GPC5: variants seen among roughly 807,000 people sequenced by gnomAD.
GPC5 encodes glypican-5.
Under a neutral mutation model 53.9 loss-of-function variants are expected in GPC5, and 47 were observed. The observed-to-expected ratio is 0.87, with a 90% CI of 0.69 to 1.11. The LOEUF (loss-of-function observed/expected upper bound fraction) is 1.11, where lower values mean the gene tolerates loss of function less well. Among genes scored for constraint, GPC5 ranks in the 50% most tolerant of loss-of-function variants. The pLI is 0.00. For missense variants in GPC5, 748 were observed against 713.1 expected (o/e 1.05, Z -0.56); for synonymous variants, 286 against 263.3 (o/e 1.09, Z -0.84).
chr13:92,296,719 G>A (rs1052090686), intron 7 of GPC5, among the ~76,000 whole-genome samples: 5 of 152,200 alleles, frequency 3.3e-5, no homozygotes, highest in African/African-American at 4.8e-5. Flanking sequence ...GCCAGCTGGA[G>A]TTCCGTGTGG....
chr13:92,336,314 A>T (rs1566544313), intron 7 of GPC5, among the ~76,000 whole-genome samples: 2 of 152,174 alleles, frequency 1.3e-5, no homozygotes, highest in Non-Finnish European at 2.9e-5. Context: ...GTAGCTGATA[A>T]TTTTTTTGGC....
At chr13:91,556,541 A>ATG (rs1020269156) in intron 2 of GPC5, among the ~76,000 whole-genome samples, 33 of 145,474 alleles carry the variant, frequency 2.3e-4, no homozygotes, top group South Asian at 8.6e-4. Context: ...TATATATAAA[A>ATG]TGTGTGTGTG....
intron 2 of GPC5, among the ~76,000 whole-genome samples, chr13:91,453,241 T>C (rs1378213407): frequency 2.0e-5 from 3 of 151,954 alleles, no homozygotes; most frequent in Non-Finnish European, 4.4e-5. Context: ...TGCTTGAAAT[T>C]AAATATATTT....
chr13:92,683,808 ACT>A (rs1414995744), intron 7 of GPC5, among the ~76,000 whole-genome samples: 5 of 151,616 alleles, frequency 3.3e-5, no homozygotes, highest in Non-Finnish European at 5.9e-5. Context: ...GTGTCCAAAG[ACT>A]CTCTCACTCC....
At chr13:91,873,085 T>TATAGAAAATGATATGCAATTGCC (rs1377001641) in intron 5 of GPC5, among the ~76,000 whole-genome samples, 2 of 152,362 alleles carry the variant, frequency 1.3e-5, no homozygotes, top group South Asian at 4.1e-4. Flanking sequence ...ATGTTTATTT[T>TATAGAAAATGATATGCAATTGCC]ATAGAAAATG....
intron 7 of GPC5, among the ~76,000 whole-genome samples, chr13:92,789,312 C>T (rs1566419306): frequency 6.6e-6 from 1 of 152,132 alleles, no homozygotes; most frequent in Admixed American, 6.5e-5. Flanking sequence ...TTCTGTTGAA[C>T]TTTACCATAG....
chr13:92,698,965 G>A lies in GPC5; in HGVS notation c.1562-167317G>A, dbSNP rs72641052. Among the ~76,000 whole-genome samples the A allele has an allele frequency of 9.5e-3, 1,447 of 151,898 alleles. 17 individuals are homozygous for A. Among genetic ancestry groups the A allele is most frequent in the Non-Finnish European group, 0.014 (945 of 67,814 alleles). On this transcript the variant is annotated intron_variant, in intron 7 of 7. Transcript: ENST00000377067. The stretch of plus-strand genomic sequence containing the variant: ...TGCTGGTCTCATCAAATGAGTTAGG[G>A]ATAGCTGTTGTTTAGAATAGTTTCA...
chr13:92,060,986 T>C (rs1019444392), intron 6 of GPC5, among the ~76,000 whole-genome samples: 6 of 152,026 alleles, frequency 3.9e-5, no homozygotes, highest in African/African-American at 1.5e-4. Flanking sequence ...GTTTAAATTC[T>C]AAGACAATGA....
At chr13:91,415,708 G>T (rs1297911192) in intron 1 of GPC5, among the ~76,000 whole-genome samples, 1 of 116,390 alleles carries the variant, frequency 8.6e-6, no homozygotes, top group East Asian at 3.0e-4. Context: ...TATAAAATAG[G>T]AATATTTTTC....
intron 7 of GPC5, among the ~76,000 whole-genome samples, chr13:92,305,007 G>A (rs1017585659): frequency 1.3e-5 from 2 of 152,122 alleles, no homozygotes; most frequent in African/African-American, 4.8e-5. Context: ...TATTGCCATA[G>A]ACCCATTAAA....
In GPC5 at chr13:92,655,011, A is replaced by T. The variant is rs139645360; in HGVS notation, c.1562-211271A>T. ...AGGCTGGCATTAGGTTGCCACTGGC[A>T]AGAGTACCAAAGATTGCTGGCAACC... On this transcript the variant is annotated intron_variant, in intron 7 of 7. Coordinates refer to ENST00000377067, the MANE Select transcript of GPC5 (RefSeq NM_004466.6). Among the ~76,000 whole-genome samples the T allele has an allele frequency of 8.6e-3, 1,315 of 152,280 alleles. 22 individuals carry two copies. The highest frequency in any genetic ancestry group is 0.03 in the African/African-American group (1,246 of 41,560).
chr13:92,631,425 G>T (rs548510661), intron 7 of GPC5, among the ~76,000 whole-genome samples: 2 of 152,144 alleles, frequency 1.3e-5, no homozygotes, highest in East Asian at 3.9e-4. Flanking sequence ...TAACATGCTA[G>T]CTATGTAATA....
chr13:91,934,748 T>G (rs1324436573), intron 6 of GPC5, among the ~76,000 whole-genome samples: 6 of 151,892 alleles, frequency 4.0e-5, no homozygotes. Context: ...GGTTGAGAGT[T>G]CCCATATTCC....
chr13:92,370,661 T>C (rs916239968), intron 7 of GPC5, among the ~76,000 whole-genome samples: 2 of 152,186 alleles, frequency 1.3e-5, no homozygotes, highest in African/African-American at 4.8e-5. Flanking sequence ...ACTAGGGATT[T>C]GTTTAGATGT....
intron 7 of GPC5, among the ~76,000 whole-genome samples, chr13:92,753,129 A>C (rs969393037): frequency 6.6e-6 from 1 of 152,210 alleles, no homozygotes; most frequent in African/African-American, 2.4e-5. Context: ...CCCAGCACTC[A>C]GCTGGAGATC....
At chr13:91,689,418 T>A (rs2035706356) in intron 2 of GPC5, among the ~76,000 whole-genome samples, 1 of 149,596 alleles carries the variant, frequency 6.7e-6, no homozygotes, top group South Asian at 2.1e-4. Flanking sequence ...TAGGCTATAC[T>A]AAATTTATTT....
intron 7 of GPC5, among the ~76,000 whole-genome samples, chr13:92,379,067 G>A (rs1029127666): frequency 1.1e-4 from 17 of 152,200 alleles, no homozygotes; most frequent in African/African-American, 4.1e-4. Flanking sequence ...TTGAAGCTCA[G>A]TGATATTGAG....
chr13:92,075,033 T>A (rs2182499), intron 6 of GPC5, among the ~76,000 whole-genome samples: 56,410 of 152,070 alleles, frequency 0.37, 11,307 homozygotes, highest in Admixed American at 0.47. Flanking sequence ...TTCTCATAGG[T>A]TATAAAAATT....
chr13:92,653,157 C>T (rs1164640394), intron 7 of GPC5, among the ~76,000 whole-genome samples: 1 of 152,164 alleles, frequency 6.6e-6, no homozygotes, highest in African/African-American at 2.4e-5. Flanking sequence ...CACCAGGTGC[C>T]TAGGCTCAGC....
Sources: gnomAD v4.1 joint callset for allele counts (sites outside exome capture counted in the v4.1 genomes callset) on GRCh38, gnomAD v4.1.1 for gene constraint, MANE v1.5 for transcripts, NCBI Gene and HGNC (gene_info 2026-07-23, HGNC 2026-07-21) for gene names.